Variants in SESN1 observed in about 807,000 individuals in gnomAD.
SESN1 encodes sestrin-1.
A neutral mutation model predicts 59.3 loss-of-function variants in SESN1; 30 were observed. The ratio of observed to expected loss-of-function variants is 0.51; its 90% CI spans 0.38 to 0.69. SESN1 has a LOEUF of 0.69. SESN1 is among the 30% of genes least tolerant of loss of function. The pLI, the probability that SESN1 is intolerant of heterozygous loss-of-function variation, is 0.00. For missense variants in SESN1, 566 were observed against 673.0 expected, an observed-to-expected ratio of 0.84 and a Z score of 1.76; for synonymous variants, 197 against 219.9, an observed-to-expected ratio of 0.90 and a Z score of 0.92.
At chr6:109,002,652 T>C (rs761363035) in intron 1 of SESN1, among the ~76,000 whole-genome samples, 30 of 152,164 alleles carry the variant, frequency 2.0e-4, no homozygotes, top group Non-Finnish European at 3.8e-4. Flanking sequence ...TCATCAGTGA[T>C]ACAAAATAAG....
chr6:109,093,634 C>G (rs1583305273), intron 1 of SESN1, among the ~76,000 whole-genome samples, 161 bp downstream of exon 1: 1 of 152,174 alleles, frequency 6.6e-6, no homozygotes, highest in Non-Finnish European at 1.5e-5. Context: ...GCCTAAAACT[C>G]TAGAAAAACA....
At position 108,990,826 on chromosome 6, in the gene SESN1, A is replaced by C. The variant is rs750027141; in HGVS notation, c.1243T>G (p.Trp415Gly). ...VPTFRVQDYC[W>G]EDHGYSLVNR... ...ACCAAAGAATAACCATGATCTTCCC[A>C]GCAATAGTCCTAAATACAGGGAATA... The change falls in exon 8 of 10, where the codon TGG becomes GGG. Residue 415 changes from tryptophan (W) to glycine (G), a missense_variant. Physicochemically the swap from Trp to Gly is radical, Grantham distance 184. Transcript: ENST00000436639. 17 of 1,613,714 alleles carry C rather than the reference A, an allele frequency of 1.1e-5. No homozygotes were observed. In the South Asian group the frequency reaches 1.9e-4, roughly 18 times the overall value.
chr6:109,056,789 T>TA (rs1328661298), intron 1 of SESN1, among the ~76,000 whole-genome samples: 6 of 152,336 alleles, frequency 3.9e-5, no homozygotes, highest in Admixed American at 2.6e-4. Flanking sequence ...GCCTCCCTCC[T>TA]GAAGGGACTA....
chr6:109,055,993 C>A (rs1357918307), intron 1 of SESN1, among the ~76,000 whole-genome samples: 1 of 152,156 alleles, frequency 6.6e-6, no homozygotes, highest in Non-Finnish European at 1.5e-5. Context: ...GAGAAAGTAA[C>A]CTAAAATTTC....
chr6:109,040,126 G>A (rs1780315276), intron 1 of SESN1, among the ~76,000 whole-genome samples: 1 of 152,162 alleles, frequency 6.6e-6, no homozygotes, highest in Non-Finnish European at 1.5e-5. Flanking sequence ...CATGAGATAA[G>A]AGATTATTAT....
At chr6:109,093,754 T>G (rs1326672667) in intron 1 of SESN1, 41 bp downstream of exon 1, 1 of 1,568,332 alleles carries the variant, frequency 6.4e-7, no homozygotes, top group East Asian at 2.3e-5. Context: ...AAAATTTAAC[T>G]GTAGTAGAGA....
Position 109,045,860 on chromosome 6 carries a change from G to C in SESN1, c.280-43517C>G, listed in dbSNP as rs77420275. Among the ~76,000 whole-genome samples, 1,189 of 152,292 alleles carry C rather than the reference G, an allele frequency of 7.8e-3. 21 individuals are homozygous for C. Among genetic ancestry groups the C allele is most frequent in the African/African-American group, 0.028 (1,143 of 41,546 alleles). Reference sequence around the variant, plus strand: ...AGTGTCTGGCATGGAATGTTACACAGAGTAGATAATACATGTTTCTGAAAT... The same window carrying C: ...AGTGTCTGGCATGGAATGTTACACACAGTAGATAATACATGTTTCTGAAAT... On this transcript the variant is annotated intron_variant, in intron 1 of 9. Coordinates refer to ENST00000436639, the MANE Select transcript of SESN1 (RefSeq NM_014454.3).
intron 1 of SESN1, among the ~76,000 whole-genome samples, chr6:109,057,315 G>A (rs75669434): frequency 2.6e-5 from 4 of 152,290 alleles, no homozygotes; most frequent in South Asian, 2.1e-4. Flanking sequence ...TGATTGATAC[G>A]TGAAGGTACA....
intron 1 of SESN1, among the ~76,000 whole-genome samples, chr6:109,042,895 A>G (rs1780364609): frequency 1.3e-5 from 2 of 152,124 alleles, no homozygotes; most frequent in Admixed American, 6.5e-5. Context: ...GACAAAGACA[A>G]TACAAAAAAA....
chr6:109,070,142 T>C (rs1162944262), intron 1 of SESN1, among the ~76,000 whole-genome samples: 1 of 152,058 alleles, frequency 6.6e-6, no homozygotes, highest in East Asian at 1.9e-4. Context: ...TTCACGTGAT[T>C]TGAATGTAGG....
At chr6:109,088,265 A>G (rs1781249408) in intron 1 of SESN1, 1 of 152,160 alleles carries the variant, frequency 6.6e-6, no homozygotes, top group African/African-American at 2.4e-5. Flanking sequence ...GAACAAAAAA[A>G]AGAAAGCAGA....
Position 109,026,415 on chromosome 6 carries a change from C to T in SESN1, c.280-24072G>A, listed in dbSNP as rs563862878. ...CCTACCCAGAATAGTACATTCTGTA[C>T]GAATTCTGAATAGCTTTGTGTGAAC... On this transcript the variant is annotated intron_variant, in intron 1 of 9. Coordinates refer to ENST00000436639, the MANE Select transcript of SESN1 (RefSeq NM_014454.3). Among the ~76,000 whole-genome samples the T allele has an allele frequency of 2.6e-5, 4 of 152,234 alleles. No homozygotes were observed. The East Asian group carries it at 5.8e-4, about 22-fold the overall frequency.
chr6:109,051,453 T>C (rs1780540371), intron 1 of SESN1, among the ~76,000 whole-genome samples: 1 of 152,220 alleles, frequency 6.6e-6, no homozygotes, highest in Non-Finnish European at 1.5e-5. Flanking sequence ...ATGGACTCTT[T>C]GAAGGAGAAA....
chr6:109,035,433 C>T (rs1248361583), intron 1 of SESN1, among the ~76,000 whole-genome samples: 4 of 151,588 alleles, frequency 2.6e-5, no homozygotes, highest in South Asian at 4.2e-4. Context: ...TATAAAAGGT[C>T]GGGAGAAAGC....
chr6:109,063,738 T>C (rs971647124), intron 1 of SESN1, among the ~76,000 whole-genome samples: 8 of 152,204 alleles, frequency 5.3e-5, no homozygotes, highest in African/African-American at 1.7e-4. Context: ...TGATTGTCTT[T>C]CTACTCAATC....
intron 1 of SESN1, among the ~76,000 whole-genome samples, chr6:109,024,795 T>C (rs1036515807): frequency 1.3e-5 from 2 of 152,226 alleles, no homozygotes; most frequent in African/African-American, 2.4e-5. Flanking sequence ...CTGCCCAGCA[T>C]TGTGAGTATC....
At chr6:109,044,311 CAAAAAAAAAAAAAAAAAAAAAA>C (rs71015570) in intron 1 of SESN1, among the ~76,000 whole-genome samples, 1 of 28,458 alleles carries the variant, frequency 3.5e-5, no homozygotes, top group Non-Finnish European at 5.4e-5. Context: ...GAACTTGCCT[CAAAAAAAAAAAAAAAAAAAAAA>C]AAAAAAAAAA....
chr6:109,052,376 T>C (rs1248884962), intron 1 of SESN1, among the ~76,000 whole-genome samples: 4 of 152,188 alleles, frequency 2.6e-5, no homozygotes, highest in African/African-American at 9.6e-5. Context: ...TATATAAGCA[T>C]AGACACAAAA....
chr6:109,073,142 G>T (rs1353022630), intron 1 of SESN1, among the ~76,000 whole-genome samples: 1 of 152,082 alleles, frequency 6.6e-6, no homozygotes, highest in Non-Finnish European at 1.5e-5. Flanking sequence ...GGGCAAATTA[G>T]ATAACCTCTT....
Sources: allele counts gnomAD v4.1 joint callset (sites outside exome capture counted in the v4.1 genomes callset), GRCh38; gene constraint gnomAD v4.1.1; transcripts MANE v1.5; gene names NCBI Gene and HGNC (gene_info 2026-07-23, HGNC 2026-07-21).